The following PLEKHA5 variants were observed in gnomAD, a reference collection of about 807,000 sequenced individuals.
The protein encoded by PLEKHA5 is pleckstrin homology domain-containing family A member 5.
A neutral mutation model predicts 181.9 loss-of-function variants in PLEKHA5; 55 were observed. The ratio of observed to expected loss-of-function variants is 0.30; its 90% CI spans 0.24 to 0.38. The LOEUF (loss-of-function observed/expected upper bound fraction) is 0.38. Among genes scored for constraint, PLEKHA5 ranks in the 10% least tolerant of loss-of-function variants. The pLI is 1.00. For synonymous variants in PLEKHA5, 535 were observed against 529.4 expected (o/e 1.01, Z -0.15); for missense variants, 1,432 against 1,549.5 (o/e 0.92, Z 1.27).
chr12:19,208,848 C>G (rs2056302521), intron 3 of PLEKHA5, among the ~76,000 whole-genome samples: 1 of 151,916 alleles, frequency 6.6e-6, no homozygotes, highest in Non-Finnish European at 1.5e-5. Flanking sequence ...ATGATTGTCC[C>G]TGAGAATGGA....
chr12:19,359,560 T>C lies in PLEKHA5; in HGVS notation c.3483+14T>C. 6.2e-7 allele frequency: 1 copy of C among 1,611,518 alleles called. No homozygotes were observed. The highest frequency in any genetic ancestry group is 8.5e-7 in the Non-Finnish European group (1 of 1,177,982). Reference sequence around the variant, plus strand: ...TTCAGCAAAGAGGTAGCGAGATTATTTTATGAAAGGTATTCCAAAGGAATA... The same window carrying C: ...TTCAGCAAAGAGGTAGCGAGATTATCTTATGAAAGGTATTCCAAAGGAATA... On this transcript the variant is annotated intron_variant, in intron 28 of 31. Transcript: ENST00000429027.
At chr12:19,247,049 TATG>T (rs962192186) in intron 3 of PLEKHA5, among the ~76,000 whole-genome samples, 2 of 152,208 alleles carry the variant, frequency 1.3e-5, no homozygotes, top group Non-Finnish European at 2.9e-5. Flanking sequence ...TGTGCATGGT[TATG>T]ATGTTTTTTA....
chr12:19,302,201 C>T (rs529523934), intron 15 of PLEKHA5, among the ~76,000 whole-genome samples: 36 of 152,260 alleles, frequency 2.4e-4, no homozygotes, highest in African/African-American at 7.9e-4. Flanking sequence ...GAAAAAGTCC[C>T]TTTTTCTCTT....
chr12:19,357,172 C>T (rs79146725), intron 26 of PLEKHA5, among the ~76,000 whole-genome samples: 3,217 of 151,690 alleles, frequency 0.021, 63 homozygotes, highest in Non-Finnish European at 0.03. Flanking sequence ...TCAGTTTTCT[C>T]TTTCAGGGTC....
chr12:19,253,820 CA>C, intron 3 of PLEKHA5, 119 bp from the exon 4 acceptor site: 1 of 732,230 alleles, frequency 1.4e-6, no homozygotes, highest in Non-Finnish European at 2.3e-6. Context: ...AACTCCGTCT[CA>C]AAAACAAAAA....
intron 3 of PLEKHA5, chr12:19,207,257 T>A (rs1329782506): frequency 6.6e-6 from 1 of 152,024 alleles, no homozygotes; most frequent in Non-Finnish European, 1.5e-5. Context: ...TTTTCTCTTA[T>A]TTTTTTAGTC....
At chr12:19,299,954 G>A (rs1042343507) in intron 15 of PLEKHA5, among the ~76,000 whole-genome samples, 10 of 152,056 alleles carry the variant, frequency 6.6e-5, no homozygotes, top group African/African-American at 1.7e-4. Flanking sequence ...CCATAAACCC[G>A]TTTCTCCAGC....
At chr12:19,269,667 A>G in intron 8 of PLEKHA5, 103 bp from the exon 9 acceptor site, 1 of 572,740 alleles carries the variant, frequency 1.7e-6, no homozygotes, top group South Asian at 2.7e-5. Context: ...TTTCTCTGAA[A>G]TTTGATAGCA....
intron 30 of PLEKHA5, among the ~76,000 whole-genome samples, chr12:19,366,963 G>A (rs1158537802): frequency 5.9e-5 from 9 of 151,732 alleles, no homozygotes; most frequent in African/African-American, 9.7e-5. Flanking sequence ...TGTTGCCAGC[G>A]CTGGAGTGCA....
At chr12:19,190,844 G>A (rs1270302953) in intron 3 of PLEKHA5, among the ~76,000 whole-genome samples, 1 of 152,184 alleles carries the variant, frequency 6.6e-6, no homozygotes, top group Non-Finnish European at 1.5e-5. Flanking sequence ...CTGAGCCAGA[G>A]CCAATTTTCA....
intron 20 of PLEKHA5, among the ~76,000 whole-genome samples, chr12:19,325,456 G>A (rs1423124713): frequency 2.6e-5 from 4 of 151,492 alleles, no homozygotes; most frequent in African/African-American, 4.8e-5. Context: ...TTGGGAGGCC[G>A]AGACGGGCGG....
intron 3 of PLEKHA5, among the ~76,000 whole-genome samples, chr12:19,173,310 A>G (rs1653298602): frequency 6.6e-6 from 1 of 152,118 alleles, no homozygotes; most frequent in Admixed American, 6.5e-5. Context: ...GGCGTGAGCC[A>G]CCGCGCCCGG....
At chr12:19,171,163 T>C (rs1234694160) in intron 3 of PLEKHA5, among the ~76,000 whole-genome samples, 1 of 152,184 alleles carries the variant, frequency 6.6e-6, no homozygotes, top group Non-Finnish European at 1.5e-5. Flanking sequence ...ACTACTTTAT[T>C]AATAGCTTGA....
Position 19,291,454 on chromosome 12 carries a change from A to T in PLEKHA5, c.1984-190A>T, listed in dbSNP as rs2078424673. 2.0e-5 allele frequency among the ~76,000 whole-genome samples: 3 copies of T among 152,350 alleles called. No homozygotes were observed. In the East Asian group the frequency reaches 5.8e-4, roughly 29 times the overall value. ...GCATGTCTACGTAATTTCTTACAAA[A>T]CAAAATATAATTTTGTAATTTAATA... On this transcript the variant is annotated intron_variant, in intron 14 of 31. Transcript: ENST00000429027.
At chr12:19,202,130 G>A in intron 3 of PLEKHA5, 1 of 356,916 alleles carries the variant, frequency 2.8e-6, no homozygotes, top group Non-Finnish European at 3.9e-6. Context: ...TTTGCCTGCT[G>A]AGTTCACTGC....
chr12:19,279,454 G>A (rs1374460461), intron 11 of PLEKHA5, among the ~76,000 whole-genome samples: 3 of 151,966 alleles, frequency 2.0e-5, no homozygotes, highest in Non-Finnish European at 4.4e-5. Context: ...CCTGAGGTCC[G>A]GAGTTCAAGA....
chr12:19,209,101 G>A (rs958319915), intron 3 of PLEKHA5, among the ~76,000 whole-genome samples: 7 of 152,050 alleles, frequency 4.6e-5, no homozygotes, highest in Admixed American at 2.6e-4. Context: ...GTCTGAACAG[G>A]ACCTAGTTTG....
chr12:19,344,113 AG>A (rs918939201), intron 22 of PLEKHA5, among the ~76,000 whole-genome samples: 1 of 151,972 alleles, frequency 6.6e-6, no homozygotes. Flanking sequence ...TCGTATATGT[AG>A]TCTGTTGCTG....
At chr12:19,285,281 C>G (rs1380333805) in intron 12 of PLEKHA5, among the ~76,000 whole-genome samples, 1 of 152,180 alleles carries the variant, frequency 6.6e-6, no homozygotes, top group Admixed American at 6.5e-5. Context: ...CTCTAAATTA[C>G]ATGCTCTCAT....
Sources: gnomAD v4.1 joint callset for allele counts (sites outside exome capture counted in the v4.1 genomes callset) on GRCh38, gnomAD v4.1.1 for gene constraint, MANE v1.5 for transcripts, NCBI Gene and HGNC (gene_info 2026-07-23, HGNC 2026-07-21) for gene names.